Variants in IL19 observed in about 807,000 individuals in gnomAD.
IL19 encodes the protein interleukin-19.
IL19 carries 15 observed loss-of-function variants against 19.5 expected under a neutral mutation model. The observed-to-expected ratio is 0.77, with a 90% CI of 0.52 to 1.19. The LOEUF is 1.19. IL19 is among the 50% of genes most tolerant of loss of function. The pLI, the probability that IL19 is intolerant of heterozygous loss-of-function variation, is 0.00. For synonymous variants in IL19, 78 were observed against 78.3 expected (o/e 1.00, Z 0.02); for missense variants, 199 against 213.1 (o/e 0.93, Z 0.41).
chr1:206,808,334 A>G lies in IL19; in HGVS notation c.-3+9328A>G, dbSNP rs370987253. ...AACAGAGCGAGACTCCATCTAAACA[A>G]AAATAAACAACAACAAAAAACAAAC... On this transcript the variant is annotated intron_variant, in intron 2 of 6. Transcript: ENST00000659997. 2.5e-4 allele frequency among the ~76,000 whole-genome samples: 38 copies of G among 152,328 alleles called. No homozygotes were observed. In the East Asian group the frequency reaches 4.4e-3, roughly 18 times the overall value.
At chr1:206,776,600 G>C (rs1398037240) in intron 1 of IL19, among the ~76,000 whole-genome samples, 1 of 152,104 alleles carries the variant, frequency 6.6e-6, no homozygotes, top group East Asian at 1.9e-4. Context: ...GACAGGACTA[G>C]CTGGATTTCC....
intron 2 of IL19, among the ~76,000 whole-genome samples, chr1:206,816,598 GA>G (rs1370468627): frequency 1.3e-5 from 2 of 152,006 alleles, no homozygotes; most frequent in African/African-American, 4.8e-5. Flanking sequence ...GAAATCAAAA[GA>G]AGGCAGAAAA....
intron 2 of IL19, among the ~76,000 whole-genome samples, chr1:206,803,396 A>C (rs1467630121): frequency 3.9e-5 from 6 of 152,160 alleles, no homozygotes. Flanking sequence ...GGACGGAAGA[A>C]GGTAGGTCGG....
chr1:206,826,284 GC>G (rs1162229034), intron 2 of IL19, among the ~76,000 whole-genome samples: 1 of 152,168 alleles, frequency 6.6e-6, no homozygotes, highest in Non-Finnish European at 1.5e-5. Flanking sequence ...TATTTGGTCT[GC>G]CATATTGAAT....
chr1:206,841,221 G>A (rs747364042), intron 6 of IL19, 143 bp downstream of exon 6: 21 of 664,546 alleles, frequency 3.2e-5, no homozygotes, highest in Non-Finnish European at 4.9e-5. Flanking sequence ...CTCTGTGTCT[G>A]TAAAGAGAGT....
chr1:206,828,504 A>C (rs1366174841), intron 2 of IL19, among the ~76,000 whole-genome samples: 1 of 152,202 alleles, frequency 6.6e-6, no homozygotes, highest in African/African-American at 2.4e-5. Flanking sequence ...GAGATCTAAG[A>C]ACCCACTCTT....
intron 1 of IL19, among the ~76,000 whole-genome samples, chr1:206,789,166 C>T (rs1342297713): frequency 1.3e-5 from 2 of 152,206 alleles, no homozygotes; most frequent in African/African-American, 4.8e-5. Context: ...ATCTGAAGTC[C>T]TGGCATTCCA....
At chr1:206,772,311 C>A in intron 1 of IL19, 6 of 1,614,192 alleles carry the variant, frequency 3.7e-6, no homozygotes, top group Non-Finnish European at 5.1e-6. Flanking sequence ...TCGGAGATCT[C>A]GAAGCATGTT....
chr1:206,840,110 A>C, intron 5 of IL19, 108 bp downstream of exon 5: 2 of 1,246,846 alleles, frequency 1.6e-6, no homozygotes, highest in Non-Finnish European at 2.4e-6. Context: ...GAGTCAAAGG[A>C]AATTCTCTGC....
intron 1 of IL19, among the ~76,000 whole-genome samples, chr1:206,788,576 C>A (rs1047545915): frequency 6.6e-6 from 1 of 151,522 alleles, no homozygotes; most frequent in African/African-American, 2.4e-5. Flanking sequence ...TTTTTGGTTA[C>A]ATGGATGAAC....
rs143789850 is a variant in IL19, at chr1:206,801,108, G to A, written c.-3+2102G>A. 4.2e-3 allele frequency among the ~76,000 whole-genome samples: 645 copies of A among 151,900 alleles called. 6 individuals are homozygous for A. Among genetic ancestry groups the A allele is most frequent in the African/African-American group, 0.015 (603 of 41,404 alleles). On this transcript the variant is annotated intron_variant, in intron 2 of 6. Coordinates refer to ENST00000659997, the MANE Select transcript of IL19 (RefSeq NM_153758.5). ...ACTTTCACTCTCTCCCTAGTAGAGTGGGATTTTCTAAATTTTGCAATTGAA... is the reference window on the plus strand; with the variant it reads ...ACTTTCACTCTCTCCCTAGTAGAGTAGGATTTTCTAAATTTTGCAATTGAA...
intron 2 of IL19, among the ~76,000 whole-genome samples, chr1:206,814,580 G>C (rs1432450644): frequency 6.6e-6 from 1 of 151,002 alleles, no homozygotes; most frequent in Non-Finnish European, 1.5e-5. Flanking sequence ...TGTAATCCCA[G>C]CTACTCGAGG....
At chr1:206,828,039 T>C (rs938298535) in intron 2 of IL19, among the ~76,000 whole-genome samples, 3 of 30,118 alleles carry the variant, frequency 1.0e-4, no homozygotes, top group African/African-American at 3.1e-4. Context: ...TACTTGTTAG[T>C]TATTAGTGTG....
intron 2 of IL19, among the ~76,000 whole-genome samples, chr1:206,825,795 G>A (rs190961023): frequency 1.3e-5 from 2 of 152,344 alleles, no homozygotes; most frequent in East Asian, 1.9e-4. Flanking sequence ...AGAACTGCAC[G>A]ATTGTCCCTG....
intron 2 of IL19, among the ~76,000 whole-genome samples, chr1:206,814,402 T>C (rs7529836): frequency 0.3 from 44,710 of 149,862 alleles, 6,878 homozygotes; most frequent in East Asian, 0.41. Flanking sequence ...GGAATCAGAA[T>C]GCTTTGGGCC....
Position 206,779,347 on chromosome 1 carries a change from C to G in IL19, c.-149+8269C>G, listed in dbSNP as rs1473269594. The stretch of plus-strand genomic sequence containing the variant: ...CACCACCTGCTTCTTTGTTTGATCA[C>G]CAATAAATAGTGTGGGCTCCCAGAG... On this transcript the variant is annotated intron_variant, in intron 1 of 6. Transcript: ENST00000659997. Among the ~76,000 whole-genome samples, 4 of 152,294 alleles carry G rather than the reference C, an allele frequency of 2.6e-5. 1 individual carries two copies. Among genetic ancestry groups the G allele is most frequent in the African/African-American group, 9.6e-5 (4 of 41,560 alleles).
intron 2 of IL19, among the ~76,000 whole-genome samples, chr1:206,809,981 CCTT>C (rs1675958680): frequency 3.9e-5 from 6 of 152,192 alleles, no homozygotes; most frequent in Admixed American, 3.9e-4. Context: ...AATGAATTCT[CCTT>C]CTCAAGACCC....
At chr1:206,817,589 G>A (rs1676190293) in intron 2 of IL19, among the ~76,000 whole-genome samples, 3 of 152,010 alleles carry the variant, frequency 2.0e-5, no homozygotes, top group South Asian at 2.1e-4. Flanking sequence ...TTTCAGAGAG[G>A]CATATTACCA....
chr1:206,799,088 G>A (rs2102459591), intron 2 of IL19, 82 bp downstream of exon 2: 1 of 960,350 alleles, frequency 1.0e-6, no homozygotes, highest in East Asian at 2.4e-5. Context: ...CAAGACTCTG[G>A]AAGACTGGGT....
Sources: gnomAD v4.1 joint callset for allele counts (sites outside exome capture counted in the v4.1 genomes callset) on GRCh38, gnomAD v4.1.1 for gene constraint, MANE v1.5 for transcripts, NCBI Gene and HGNC (gene_info 2026-07-23, HGNC 2026-07-21) for gene names.